DGKH: variants seen among roughly 807,000 people sequenced by gnomAD.
The protein encoded by DGKH is diacylglycerol kinase eta, also known as DAG kinase eta.
Under a neutral mutation model 159.3 loss-of-function variants are expected in DGKH, and 90 were observed. The observed-to-expected ratio is 0.57, with a 90% CI of 0.48 to 0.67. DGKH has a LOEUF of 0.67. Among genes scored for constraint, DGKH ranks in the 30% least tolerant of loss-of-function variants. DGKH has a pLI of 0.00. For synonymous variants in DGKH, 536 were observed against 553.8 expected (o/e 0.97, Z 0.45); for missense variants, 1,181 against 1,506.1 (o/e 0.78, Z 3.57).
At chr13:42,226,909 AC>A (rs1958148261) in intron 29 of DGKH, among the ~76,000 whole-genome samples, 1 of 151,964 alleles carries the variant, frequency 6.6e-6, no homozygotes, top group East Asian at 1.9e-4. Flanking sequence ...GTATATATAC[AC>A]CATGGAATAC....
chr13:42,146,826 G>C (rs971528514), intron 3 of DGKH, among the ~76,000 whole-genome samples: 3 of 152,174 alleles, frequency 2.0e-5, no homozygotes, highest in African/African-American at 7.2e-5. Context: ...CAGTAGCTGG[G>C]GGCAGGCTTA....
chr13:42,208,826 A>G lies in DGKH; in HGVS notation c.2602-133A>G, dbSNP rs1447212635. On this transcript the variant is annotated intron_variant, in intron 21 of 29. Coordinates refer to ENST00000337343, the MANE Select transcript of DGKH (RefSeq NM_178009.5). ...TCAGAGATTTTTTTCTTGGATTATT[A>G]TTTCCTAATAATATTTACTTAAATA... 17 of 289,116 alleles carry G rather than the reference A, an allele frequency of 5.9e-5. No homozygotes were observed. In the Admixed American group the frequency reaches 8.2e-4, roughly 14 times the overall value. 17.9% of individuals were successfully genotyped at this position (289,116 alleles called of 1,614,324 possible).
intron 16 of DGKH, among the ~76,000 whole-genome samples, chr13:42,191,534 A>G (rs141056066): frequency 7.9e-4 from 121 of 152,292 alleles, no homozygotes; most frequent in Middle Eastern, 3.4e-3. Flanking sequence ...GTCTTCATAC[A>G]ATGAAAAAAA....
At chr13:42,072,737 A>G (rs376283059) in intron 1 of DGKH, among the ~76,000 whole-genome samples, 6 of 152,210 alleles carry the variant, frequency 3.9e-5, no homozygotes, top group South Asian at 2.1e-4. Context: ...TTTTTAACCA[A>G]TGAATTTTTA....
At chr13:42,040,422 G>C (rs1403204260) in intron 1 of DGKH, among the ~76,000 whole-genome samples, 1 of 151,924 alleles carries the variant, frequency 6.6e-6, no homozygotes, top group Non-Finnish European at 1.5e-5. Context: ...ACCACCCGGC[G>C]GCCGCTTTCG....
At chr13:42,188,170 T>C (rs1956975564) in intron 14 of DGKH, among the ~76,000 whole-genome samples, 1 of 152,246 alleles carries the variant, frequency 6.6e-6, no homozygotes, top group Non-Finnish European at 1.5e-5. Context: ...GCCATACTTC[T>C]GTCTCTAAAG....
At chr13:42,167,327 T>C (rs899504405) in intron 9 of DGKH, among the ~76,000 whole-genome samples, 1 of 152,186 alleles carries the variant, frequency 6.6e-6, no homozygotes, top group Non-Finnish European at 1.5e-5. Context: ...CTATGTAACA[T>C]ACTTACAGCA....
chr13:42,174,523 A>G (rs1041406020), intron 12 of DGKH, among the ~76,000 whole-genome samples: 5 of 152,194 alleles, frequency 3.3e-5, no homozygotes, highest in Non-Finnish European at 7.3e-5. Flanking sequence ...CCGTTTTATC[A>G]GCAGAGCTCT....
At chr13:42,177,446 C>T (rs1461603754) in intron 12 of DGKH, among the ~76,000 whole-genome samples, 2 of 152,206 alleles carry the variant, frequency 1.3e-5, no homozygotes, top group Admixed American at 6.5e-5. Flanking sequence ...ATGAATGCTG[C>T]TGTGAACATC....
intron 13 of DGKH, 109 bp downstream of exon 13, chr13:42,178,329 AG>A: frequency 7.4e-6 from 6 of 811,656 alleles, no homozygotes; most frequent in Non-Finnish European, 1.1e-5. Flanking sequence ...ATATCTTGGA[AG>A]TAGCTTATAA....
At chr13:42,215,514 TTATGG>T in intron 25 of DGKH, 56 bp from the exon 26 acceptor site, 1 of 1,255,648 alleles carries the variant, frequency 8.0e-7, no homozygotes. Flanking sequence ...TTTAAAGTGT[TTATGG>T]TAATGAAATC....
At chr13:42,117,256 C>T (rs1954983702) in intron 1 of DGKH, among the ~76,000 whole-genome samples, 2 of 152,184 alleles carry the variant, frequency 1.3e-5, no homozygotes, top group South Asian at 4.1e-4. Flanking sequence ...ACATTAATAT[C>T]GAATATAATA....
At chr13:42,155,448 C>A in intron 4 of DGKH, 53 bp downstream of exon 4, 1 of 1,554,838 alleles carries the variant, frequency 6.4e-7, no homozygotes, top group Non-Finnish European at 8.8e-7. Context: ...AAATGTTAAC[C>A]AAAGGGCTAG....
rs182648682 is a variant in DGKH, at chr13:42,058,960, C to T, written c.192+9995C>T. Among the ~76,000 whole-genome samples the T allele has an allele frequency of 5.9e-5, 9 of 152,284 alleles. No individual in the cohort carries two copies. The East Asian group carries it at 1.7e-3, about 29-fold the overall frequency. On this transcript the variant is annotated intron_variant, in intron 1 of 29. Transcript: ENST00000337343. ...AATAGAGCTTTATTGTGTTAAGTCC[C>T]TGAGATTTGGGCATTGTTTGCTATA...
chr13:42,092,825 A>G (rs1954446105), intron 1 of DGKH, among the ~76,000 whole-genome samples: 1 of 152,212 alleles, frequency 6.6e-6, no homozygotes, highest in African/African-American at 2.4e-5. Context: ...ATCATTACAC[A>G]TTGTATACAA....
intron 13 of DGKH, among the ~76,000 whole-genome samples, 199 bp downstream of exon 13, chr13:42,178,419 AT>A (rs1363516143): frequency 6.6e-6 from 1 of 152,100 alleles, no homozygotes; most frequent in Non-Finnish European, 1.5e-5. Flanking sequence ...CTTAGAGGGT[AT>A]TTTTTTAATG....
At chr13:42,070,701 A>G in intron 1 of DGKH, 1 of 1,612,050 alleles carries the variant, frequency 6.2e-7, no homozygotes, top group Admixed American at 1.7e-5. Context: ...GATACATGAA[A>G]AGCCTGGCAT....
chr13:42,150,363 T>C (rs2137928080), intron 3 of DGKH, among the ~76,000 whole-genome samples: 2 of 152,332 alleles, frequency 1.3e-5, no homozygotes, highest in South Asian at 4.1e-4. Context: ...TTGTCTAGTA[T>C]AACAGGAGAA....
At chr13:42,046,474 A>G (rs559826728), upstream of DGKH, among the ~76,000 whole-genome samples, 5 of 152,330 alleles carry the variant, frequency 3.3e-5, no homozygotes, top group East Asian at 9.6e-4. Context: ...TCTTCAGAAG[A>G]GGTGATTGCA....
Sources: gnomAD v4.1 joint callset for allele counts (sites outside exome capture counted in the v4.1 genomes callset) on GRCh38, gnomAD v4.1.1 for gene constraint, MANE v1.5 for transcripts, NCBI Gene and HGNC (gene_info 2026-07-23, HGNC 2026-07-21) for gene names.